ASAP1: variants seen among roughly 807,000 people sequenced by gnomAD.
The protein encoded by ASAP1 is ArfGAP with SH3 domain, ankyrin repeat and PH domain 1.
A neutral mutation model predicts 145.2 loss-of-function variants in ASAP1; 43 were observed. The ratio of observed to expected loss-of-function variants is 0.30; its 90% CI spans 0.23 to 0.38. The LOEUF (loss-of-function observed/expected upper bound fraction) is 0.38. Among genes scored for constraint, ASAP1 ranks in the 10% least tolerant of loss-of-function variants. ASAP1 has a pLI of 1.00. For missense variants in ASAP1, 1,018 were observed against 1,355.3 expected, an observed-to-expected ratio of 0.75 and a Z score of 3.91; for synonymous variants, 546 against 515.5, an observed-to-expected ratio of 1.06 and a Z score of -0.80.
At chr8:130,208,444 C>A (rs1461126374) in intron 5 of ASAP1, among the ~76,000 whole-genome samples, 3 of 152,226 alleles carry the variant, frequency 2.0e-5, no homozygotes, top group Non-Finnish European at 4.4e-5. Flanking sequence ...CTGGTAACTA[C>A]TGATCTGCTC....
intron 25 of ASAP1, among the ~76,000 whole-genome samples, chr8:130,090,853 C>T (rs765688332): frequency 2.6e-5 from 4 of 152,220 alleles, no homozygotes; most frequent in East Asian, 1.9e-4. Context: ...CAATCAGCAA[C>T]GGGACAATAT....
chr8:130,240,005 T>A (rs1382089870), intron 3 of ASAP1, among the ~76,000 whole-genome samples: 2 of 152,112 alleles, frequency 1.3e-5, no homozygotes, highest in African/African-American at 2.4e-5. Context: ...CTATCGGTTA[T>A]CTTTGGGGGA....
intron 3 of ASAP1, among the ~76,000 whole-genome samples, chr8:130,304,388 C>T (rs965832237): frequency 6.6e-6 from 1 of 152,140 alleles, no homozygotes; most frequent in African/African-American, 2.4e-5. Context: ...AAAGGAACAT[C>T]ATTTCCCCCC....
At chr8:130,083,440 A>T (rs375178856) in intron 25 of ASAP1, 10 of 152,112 alleles carry the variant, frequency 6.6e-5, no homozygotes, top group African/African-American at 2.4e-4. Context: ...TCTTACCAGG[A>T]GTGGTTAATT....
chr8:130,226,544 AT>A (rs1817599588), intron 4 of ASAP1, among the ~76,000 whole-genome samples: 2 of 152,086 alleles, frequency 1.3e-5, no homozygotes, highest in Non-Finnish European at 2.9e-5. Context: ...CATTTCTATA[AT>A]TTCTCAAGGT....
chr8:130,106,150 G>T (rs1314174856), intron 24 of ASAP1, among the ~76,000 whole-genome samples: 1 of 152,030 alleles, frequency 6.6e-6, no homozygotes, highest in African/African-American at 2.4e-5. Flanking sequence ...AGGACAGGGG[G>T]AAAGGATTTA....
rs940480633 is a variant in ASAP1 at position 130,236,911 on chromosome 8, T to A, written c.259+11A>T. Reference sequence around the variant, plus strand: ...ATAATTCATGTTACCTCATTTTTAGTAAGTGCTTACCTTGACCAGAATTAT... The same window carrying A: ...ATAATTCATGTTACCTCATTTTTAGAAAGTGCTTACCTTGACCAGAATTAT... On this transcript the variant is annotated intron_variant, in intron 4 of 29. Coordinates refer to ENST00000518721, the MANE Select transcript of ASAP1 (RefSeq NM_018482.4). The A allele has an allele frequency of 6.5e-7, 1 of 1,532,284 alleles. No homozygotes were observed. The highest frequency in any genetic ancestry group is 1.4e-5 in the African/African-American group (1 of 72,520). The allele number at this position is 1,532,284 out of a possible 1,614,324, so 94.9% of individuals were successfully genotyped here.
intron 3 of ASAP1, among the ~76,000 whole-genome samples, chr8:130,248,887 C>G (rs1819021349): frequency 6.6e-6 from 1 of 152,122 alleles, no homozygotes; most frequent in Non-Finnish European, 1.5e-5. Flanking sequence ...TCCCAAGAGG[C>G]CACAAAATTC....
intron 9 of ASAP1, 140 bp downstream of exon 9, chr8:130,179,124 A>G: frequency 1.9e-6 from 1 of 529,282 alleles, no homozygotes; most frequent in Non-Finnish European, 3.4e-6. Context: ...ACTATTTCTT[A>G]TCCATTTAGC....
At chr8:130,159,820 T>C (rs2097665523) in intron 12 of ASAP1, 44 bp downstream of exon 12, 1 of 1,480,716 alleles carries the variant, frequency 6.8e-7, no homozygotes, top group Admixed American at 1.7e-5. Flanking sequence ...AAACATTTTC[T>C]AGGTTAATCA....
intron 27 of ASAP1, among the ~76,000 whole-genome samples, chr8:130,071,070 C>G (rs1323158531): frequency 7.7e-6 from 1 of 130,034 alleles, no homozygotes; most frequent in Non-Finnish European, 1.6e-5. Context: ...CCCAAATCAT[C>G]TAAGAAAAAA....
chr8:130,064,187 G>C (rs924575231), intron 27 of ASAP1, among the ~76,000 whole-genome samples: 1 of 152,188 alleles, frequency 6.6e-6, no homozygotes. Context: ...GCAGGACCAG[G>C]TTAGAAGGCT....
At chr8:130,270,899 TGTAA>T (rs60210673) in intron 3 of ASAP1, among the ~76,000 whole-genome samples, 24,658 of 152,174 alleles carry the variant, frequency 0.16, 2,259 homozygotes, top group African/African-American at 0.23. Flanking sequence ...AAATCTTTCC[TGTAA>T]GTATTACCTG....
intron 3 of ASAP1, among the ~76,000 whole-genome samples, chr8:130,350,832 A>G (rs534970302): frequency 6.6e-6 from 1 of 152,228 alleles, no homozygotes; most frequent in South Asian, 2.1e-4. Flanking sequence ...CTGGAAGCAG[A>G]CAGCCAGACA....
At chr8:130,076,042 T>G (rs568942339) in intron 27 of ASAP1, among the ~76,000 whole-genome samples, 109 of 152,330 alleles carry the variant, frequency 7.2e-4, no homozygotes, top group Non-Finnish European at 8.8e-5. Context: ...GAGCTGGTGT[T>G]GGTTCCCAAG....
At chr8:130,400,987 T>A (rs1197588835) in intron 2 of ASAP1, among the ~76,000 whole-genome samples, 1 of 151,770 alleles carries the variant, frequency 6.6e-6, no homozygotes, top group Non-Finnish European at 1.5e-5. Context: ...TTCAAGTGAT[T>A]CTCCCTCCTC....
intron 4 of ASAP1, among the ~76,000 whole-genome samples, chr8:130,226,185 C>T (rs1051139192): frequency 1.3e-5 from 2 of 151,984 alleles, no homozygotes; most frequent in African/African-American, 2.4e-5. Flanking sequence ...TGTTCCTGTT[C>T]ATCATCAGAT....
intron 15 of ASAP1, 152 bp from the exon 16 acceptor site, chr8:130,128,242 G>A: frequency 2.0e-6 from 1 of 512,290 alleles, no homozygotes; most frequent in Non-Finnish European, 3.1e-6. Context: ...GCAATAAAGT[G>A]AGGAAAAACA....
chr8:130,327,918 A>T (rs1824440561), intron 3 of ASAP1, among the ~76,000 whole-genome samples: 1 of 152,230 alleles, frequency 6.6e-6, no homozygotes, highest in Non-Finnish European at 1.5e-5. Context: ...CTATTTTTTA[A>T]ATGATGGTTT....
Sources: allele counts gnomAD v4.1 joint callset (sites outside exome capture counted in the v4.1 genomes callset), GRCh38; gene constraint gnomAD v4.1.1; transcripts MANE v1.5; gene names NCBI Gene and HGNC (gene_info 2026-07-23, HGNC 2026-07-21).